The following PLCD3 variants were observed in gnomAD, a reference collection of about 807,000 sequenced individuals.
PLCD3 encodes the protein 1-phosphatidylinositol 4,5-bisphosphate phosphodiesterase delta-3.
In PLCD3, 62 loss-of-function variants were observed where a neutral mutation model predicts 82.8. The observed-to-expected ratio is 0.75, with a 90% CI of 0.61 to 0.93. The LOEUF (loss-of-function observed/expected upper bound fraction) is 0.93. PLCD3 is among the 40% of genes least tolerant of loss of function. The pLI, the probability that PLCD3 is intolerant of heterozygous loss-of-function variation, is 0.00. For missense variants in PLCD3, 1,023 were observed against 1,103.4 expected (o/e 0.93, Z 1.03); for synonymous variants, 478 against 471.8 (o/e 1.01, Z -0.17).
At chr17:45,119,896 G>T (rs139414466) in intron 4 of PLCD3, among the ~76,000 whole-genome samples, 303 of 152,332 alleles carry the variant, frequency 2.0e-3, no homozygotes, top group Middle Eastern at 6.8e-3. Flanking sequence ...ACTCCTGTGT[G>T]CCCCTGTGCT....
Position 45,113,172 on chromosome 17 carries a change from C to A in PLCD3, c.2081G>T (p.Gly694Val). 1 of 1,612,844 alleles carries A rather than the reference C, an allele frequency of 6.2e-7. No individual in the cohort carries two copies. Among genetic ancestry groups the A allele is most frequent in the Non-Finnish European group, 8.5e-7 (1 of 1,179,486 alleles). Reference sequence around the variant, plus strand: ...CTGCCGGGCACAGTCTGCGGGCACCCCATGGATCTCAATGCGCACCAGGGG... The same window carrying A: ...CTGCCGGGCACAGTCTGCGGGCACCACATGGATCTCAATGCGCACCAGGGG... ...VDPLVRIEIH[G>V]VPADCARQET... The change falls in exon 13 of 15, where the codon GGG becomes GTG. Residue 694 changes from glycine (G) to valine (V), a missense_variant. Transcript: ENST00000619929.
intron 4 of PLCD3, among the ~76,000 whole-genome samples, chr17:45,119,315 A>G (rs551542631): frequency 1.3e-5 from 2 of 152,318 alleles, no homozygotes; most frequent in East Asian, 3.9e-4. Context: ...GCAGCTTCCA[A>G]CGCGTGATCT....
intron 1 of PLCD3, among the ~76,000 whole-genome samples, chr17:45,124,318 AG>A (rs2054365167): frequency 6.6e-6 from 1 of 152,206 alleles, no homozygotes; most frequent in South Asian, 2.1e-4. Context: ...CTCCCAATGG[AG>A]GGGGCCCCTA....
intron 11 of PLCD3, 126 bp from the exon 12 acceptor site, chr17:45,113,731 T>C (rs2864881): frequency 0.65 from 764,627 of 1,179,588 alleles, 253,729 homozygotes; most frequent in East Asian, 0.93. Flanking sequence ...GCTGCTCTGC[T>C]CCCACCATGA....
intron 8 of PLCD3, among the ~76,000 whole-genome samples, chr17:45,116,293 A>G (rs1344308319): frequency 6.6e-6 from 1 of 152,138 alleles, no homozygotes; most frequent in African/African-American, 2.4e-5. Flanking sequence ...TGGATGGCCG[A>G]GAAGGGACTT....
Position 45,110,561 on chromosome 17 carries a change from G to A in PLCD3, c.*2055C>T, listed in dbSNP as rs1475871937. 1 of 152,228 alleles carries A rather than the reference G, an allele frequency of 6.6e-6. No individual in the cohort carries two copies. Among genetic ancestry groups the A allele is most frequent in the Non-Finnish European group, 1.5e-5 (1 of 68,080 alleles). 9.4% of individuals were successfully genotyped at this position (152,228 alleles called of 1,614,324 possible). A position where few individuals can be genotyped will look rare whatever the true frequency, so the allele number is the denominator to read the frequency against. ...ATACGAAACCAGAGAAGCCAAGCAG[G>A]ATGGGCACTCAGCCCTGGGTCTGGT... On this transcript the variant is annotated 3_prime_UTR_variant, in exon 15 of 15. Transcript: ENST00000619929.
chr17:45,117,250 T>TTTG (rs201853505), intron 7 of PLCD3, among the ~76,000 whole-genome samples: 1 of 151,708 alleles, frequency 6.6e-6, no homozygotes, highest in African/African-American at 2.4e-5. Flanking sequence ...TGGCCGATTT[T>TTTG]TTGTTGTTGT....
In PLCD3 at chr17:45,113,189, C is replaced by T. The variant is rs1454476133; in HGVS notation, c.2064G>A (p.Val688=). The T allele has an allele frequency of 1.2e-6, 2 of 1,612,080 alleles. No individual in the cohort carries two copies. The highest frequency in any genetic ancestry group is 1.7e-6 in the Non-Finnish European group (2 of 1,179,192). ...EKPHSIVDPL[V]RIEIHGVPAD... ...CGGGCACCCCATGGATCTCAATGCG[C>T]ACCAGGGGGTCCACAATGGAGTGTG... Residue 688 remains valine, a synonymous_variant, in exon 13 of 15, where the codon GTG becomes GTA. Coordinates refer to ENST00000619929, the MANE Select transcript of PLCD3 (RefSeq NM_133373.5).
chr17:45,115,851 A>G (rs529090442), intron 8 of PLCD3, among the ~76,000 whole-genome samples: 40 of 152,234 alleles, frequency 2.6e-4, no homozygotes, highest in Non-Finnish European at 5.1e-4. Flanking sequence ...AAGAGAAGAC[A>G]GTACACATAT....
chr17:45,113,117 C>T lies in PLCD3; in HGVS notation c.2131+5G>A. The stretch of plus-strand genomic sequence containing the variant: ...CCAACCCCACTTCCGCCAGTGGCTG[C>T]CCACCATTGTTGAGCACGTAGTCAG... On this transcript the variant is annotated splice_donor_5th_base_variant and intron_variant, in intron 13 of 14. Transcript: ENST00000619929. 1 of 1,612,648 alleles carries T rather than the reference C, an allele frequency of 6.2e-7. No homozygotes were observed. Among genetic ancestry groups the T allele is most frequent in the African/African-American group, 1.3e-5 (1 of 75,042 alleles).
rs113226750 is a variant in PLCD3 at position 45,120,997 on chromosome 17, C to A, written c.459G>T (p.Ala153=). Residue 153 remains alanine (A), a synonymous_variant, in exon 3 of 15, where the codon GCG becomes GCT. Transcript: ENST00000619929. ...FKGRRKNLDL[A]APTAEEAQRW... is the part of the protein sequence containing the mutation. ...GCTGCGCTTCCTCAGCCGTGGGCGC[C>A]GCCAGGTCCAGGTTCTTGCGGCGGC... The A allele has an allele frequency of 2.8e-4, 432 of 1,534,818 alleles. 1 individual carries two copies. In the African/African-American group the frequency reaches 5.6e-3, roughly 20 times the overall value.
Position 45,118,726 on chromosome 17 carries a change from T to C in PLCD3, c.913+89A>G, listed in dbSNP as rs753467727. 2.2e-6 allele frequency: 3 copies of C among 1,364,068 alleles called. No individual in the cohort carries two copies. Among genetic ancestry groups the C allele is most frequent in the Non-Finnish European group, 3.0e-6 (3 of 1,010,982 alleles). 84.5% of individuals were successfully genotyped at this position (1,364,068 alleles called of 1,614,324 possible). ...AGGAGGTGAGGTAACCTGCCCGAGA[T>C]GATGCCCGCGCCAGCCCGCAGCAGA... is the stretch of plus-strand genomic sequence containing the variant. On this transcript the variant is annotated intron_variant, in intron 5 of 14. Coordinates refer to ENST00000619929, the MANE Select transcript of PLCD3 (RefSeq NM_133373.5). The surrounding 1 kb of genome is among the most constrained non-coding windows in gnomAD (Gnocchi z 4.1).
chr17:45,131,729 G>C (rs1164723352), intron 1 of PLCD3, among the ~76,000 whole-genome samples: 1 of 152,242 alleles, frequency 6.6e-6, no homozygotes, highest in Non-Finnish European at 1.5e-5. Context: ...GAGAGCCTTG[G>C]CTGTCGGACG....
chr17:45,116,739 GC>G lies in PLCD3; in HGVS notation c.1305del (p.Leu436TrpfsTer20). On this transcript the variant is annotated frameshift_variant, in exon 8 of 15. Transcript: ENST00000619929. LOFTEE classifies it high-confidence loss of function. ...PVILSLENHC[G>X]LEQQAAMARH... ...CGGGCCATGGCAGCCTGCTGCTCCA[GC>G]CCGCAGTGGTTCTCCAGGGATAGGA... 6.2e-7 allele frequency: 1 copy of G among 1,609,506 alleles called. No individual in the cohort carries two copies. Among genetic ancestry groups the G allele is most frequent in the South Asian group, 1.1e-5 (1 of 90,678 alleles).
Position 45,116,620 on chromosome 17 carries a change from G to A in PLCD3, c.1413+12C>T. 1 of 1,563,686 alleles carries A rather than the reference G, an allele frequency of 6.4e-7. No homozygotes were observed. Among genetic ancestry groups the A allele is most frequent in the South Asian group, 1.2e-5 (1 of 83,982 alleles). On this transcript the variant is annotated intron_variant, in intron 8 of 14. Coordinates refer to ENST00000619929, the MANE Select transcript of PLCD3 (RefSeq NM_133373.5). ...CCTCCCTCCACCCAGGCTAGGGGCT[G>A]GGGGGCGTCACCTCTGGGGATGGCA...
chr17:45,112,775 C>A, intron 14 of PLCD3, 71 bp from the exon 15 acceptor site: 1 of 1,591,836 alleles, frequency 6.3e-7, no homozygotes, highest in Admixed American at 1.8e-5. Flanking sequence ...GGGCCTGCTT[C>A]AGGGCAGGAA....
rs1389823809 is a variant in PLCD3 at position 45,126,563 on chromosome 17, A to C, written c.164-5191T>G. ...AGTGATCCACTCGCCTCGGCCTCCC[A>C]AAGTGCTAGGATTACAGGCGTGAGC... On this transcript the variant is annotated intron_variant, in intron 1 of 14. Coordinates refer to ENST00000619929, the MANE Select transcript of PLCD3 (RefSeq NM_133373.5). Among the ~76,000 whole-genome samples the C allele has an allele frequency of 2.0e-5, 3 of 152,098 alleles. No individual in the cohort carries two copies. In the East Asian group the frequency reaches 5.8e-4, roughly 29 times the overall value.
chr17:45,113,727 C>G, intron 11 of PLCD3, 122 bp from the exon 12 acceptor site: 1 of 1,251,814 alleles, frequency 8.0e-7, no homozygotes. Flanking sequence ...TAGTGCTGCT[C>G]TGCTCCCACC....
Position 45,115,247 on chromosome 17 carries a change from A to G in PLCD3, c.1561-3T>C. The stretch of plus-strand genomic sequence containing the variant: ...AGCTCCGGGGAGATCTGCTTGGCCT[A>G]GGAGACCAGGCTCAGCGGGGTTCAG... On this transcript the variant is annotated splice_region_variant and splice_polypyrimidine_tract_variant and intron_variant, in intron 9 of 14. Transcript: ENST00000619929. The G allele has an allele frequency of 1.9e-6, 3 of 1,556,294 alleles. No homozygotes were observed. Among genetic ancestry groups the G allele is most frequent in the Non-Finnish European group, 2.6e-6 (3 of 1,147,516 alleles).
Sources: allele counts gnomAD v4.1 joint callset (sites outside exome capture counted in the v4.1 genomes callset), GRCh38; gene constraint gnomAD v4.1.1; non-coding constraint Gnocchi (gnomAD v3.1); transcripts MANE v1.5; gene names NCBI Gene and HGNC (gene_info 2026-07-23, HGNC 2026-07-21).